Variants in PATJ observed in about 807,000 individuals in gnomAD.
PATJ encodes the protein inaD-like protein.
PATJ carries 190 observed loss-of-function variants against 224.9 expected under a neutral mutation model. The ratio of observed to expected loss-of-function variants is 0.84; its 90% CI spans 0.75 to 0.95. The LOEUF (loss-of-function observed/expected upper bound fraction) is 0.95. Ranked by LOEUF, PATJ falls within the 40% of genes least tolerant of loss-of-function variation. The pLI is 0.00. For missense variants in PATJ, 2,121 were observed against 2,270.3 expected, an observed-to-expected ratio of 0.93 and a Z score of 1.34; for synonymous variants, 769 against 820.3, an observed-to-expected ratio of 0.94 and a Z score of 1.07.
chr1:61,801,380 C>A (rs1275495301), intron 11 of PATJ, among the ~76,000 whole-genome samples: 4 of 152,026 alleles, frequency 2.6e-5, no homozygotes, highest in Admixed American at 1.3e-4. Context: ...GTTCCTTATT[C>A]TTTTCAATGC....
intron 14 of PATJ, among the ~76,000 whole-genome samples, chr1:61,814,892 G>A (rs1390698346): frequency 6.6e-6 from 1 of 152,122 alleles, no homozygotes; most frequent in African/African-American, 2.4e-5. Context: ...AGCTTAGAAT[G>A]CATTCATCCA....
chr1:61,800,690 C>G (rs1349044651), intron 11 of PATJ, among the ~76,000 whole-genome samples: 1 of 152,134 alleles, frequency 6.6e-6, no homozygotes, highest in Non-Finnish European at 1.5e-5. Context: ...ATTAACTCAT[C>G]ATTTATATTA....
chr1:61,817,918 A>C (rs1010328011), intron 14 of PATJ, among the ~76,000 whole-genome samples: 1 of 152,166 alleles, frequency 6.6e-6, no homozygotes, highest in Non-Finnish European at 1.5e-5. Context: ...TGAGAGTTAC[A>C]AGAACCAATC....
intron 22 of PATJ, among the ~76,000 whole-genome samples, chr1:61,896,324 C>T (rs1452475220): frequency 6.6e-6 from 1 of 151,982 alleles, no homozygotes; most frequent in Non-Finnish European, 1.5e-5. Context: ...ATGACTACCC[C>T]ACTAGGTTTT....
intron 31 of PATJ, among the ~76,000 whole-genome samples, chr1:62,069,918 T>C (rs1412992446): frequency 6.6e-6 from 1 of 152,216 alleles, no homozygotes; most frequent in African/African-American, 2.4e-5. Context: ...CCAAACACTA[T>C]TACTGCTAGT....
intron 33 of PATJ, among the ~76,000 whole-genome samples, chr1:62,108,198 A>G (rs1663341834): frequency 6.6e-6 from 1 of 152,256 alleles, no homozygotes; most frequent in Non-Finnish European, 1.5e-5. Context: ...AGTAAAACAC[A>G]TGGAAGAACT....
At chr1:61,952,818 AG>A (rs1402243176) in intron 27 of PATJ, among the ~76,000 whole-genome samples, 2 of 152,222 alleles carry the variant, frequency 1.3e-5, no homozygotes, top group Admixed American at 1.3e-4. Context: ...CATAATAAAA[AG>A]GGAAGACTAT....
chr1:61,937,148 C>T (rs1457497691), intron 27 of PATJ, among the ~76,000 whole-genome samples: 1 of 152,162 alleles, frequency 6.6e-6, no homozygotes, highest in African/African-American at 2.4e-5. Flanking sequence ...ATACACACAA[C>T]ATTTTATGTA....
chr1:62,143,803 T>C (rs1667742885), intron 41 of PATJ, among the ~76,000 whole-genome samples: 1 of 152,078 alleles, frequency 6.6e-6, no homozygotes, highest in Non-Finnish European at 1.5e-5. Flanking sequence ...GTACATGCTG[T>C]CACTTGAGCC....
intron 17 of PATJ, 146 bp downstream of exon 17, chr1:61,833,931 T>G: frequency 1.6e-6 from 1 of 628,944 alleles, no homozygotes; most frequent in Admixed American, 3.2e-5. Flanking sequence ...AATTGTTACC[T>G]TTAAAATTAG....
chr1:62,120,339 A>G (rs1384779845), intron 37 of PATJ, among the ~76,000 whole-genome samples: 1 of 152,234 alleles, frequency 6.6e-6, no homozygotes, highest in Admixed American at 6.5e-5. Context: ...ATATTAAACA[A>G]CTTTCATCAT....
intron 16 of PATJ, among the ~76,000 whole-genome samples, chr1:61,831,089 G>A (rs1423639755): frequency 1.3e-5 from 2 of 151,524 alleles, no homozygotes; most frequent in East Asian, 1.9e-4. Flanking sequence ...TGGGGGGGCT[G>A]AGGCAGGAGA....
chr1:61,753,603 G>A (rs1024811497), intron 1 of PATJ, among the ~76,000 whole-genome samples: 14 of 151,654 alleles, frequency 9.2e-5, no homozygotes, highest in Admixed American at 2.6e-4. Context: ...TCCGCCTCCC[G>A]GGTTCAAGCG....
rs192538063 is a variant in PATJ, at chr1:61,803,828, T to C, written c.1550-1620T>C. ...ACTGCTATGAGGTTAGCTCTCTTTT[T>C]GTCTTTGGAATAATTATTTCAGATC... On this transcript the variant is annotated intron_variant, in intron 12 of 43. Coordinates refer to ENST00000642238, the MANE Select transcript of PATJ (RefSeq NM_001350145.3). Among the ~76,000 whole-genome samples the C allele has an allele frequency of 1.4e-3, 218 of 152,320 alleles. 1 individual carries two copies. Among genetic ancestry groups the C allele is most frequent in the African/African-American group, 5.1e-3 (212 of 41,584 alleles).
chr1:62,034,737 A>G (rs1281789190), intron 29 of PATJ, among the ~76,000 whole-genome samples: 2 of 152,152 alleles, frequency 1.3e-5, no homozygotes, highest in Admixed American at 6.5e-5. Flanking sequence ...TTTCAGTGAG[A>G]GTAATTGTCG....
chr1:61,940,948 A>C (rs538786150), intron 27 of PATJ, among the ~76,000 whole-genome samples: 2 of 152,274 alleles, frequency 1.3e-5, no homozygotes, highest in South Asian at 4.1e-4. Context: ...AACTGAGATC[A>C]CTAGGAGAGA....
At chr1:62,101,170 G>T (rs1280988907) in intron 33 of PATJ, among the ~76,000 whole-genome samples, 1 of 151,710 alleles carries the variant, frequency 6.6e-6, no homozygotes, top group African/African-American at 2.4e-5. Context: ...ACTATTTTGA[G>T]TATGGTACCA....
intron 31 of PATJ, 70 bp downstream of exon 31, chr1:62,051,128 T>A: frequency 8.8e-7 from 1 of 1,136,582 alleles, no homozygotes; most frequent in Non-Finnish European, 1.3e-6. Context: ...TGTACCACCT[T>A]GGAAAGAACC....
chr1:62,091,011 C>A (rs10127514), intron 33 of PATJ, among the ~76,000 whole-genome samples: 7,375 of 152,248 alleles, frequency 0.048, 337 homozygotes, highest in African/African-American at 0.13. Context: ...TATTGGCAGA[C>A]TTGAACTGTT....
Sources: gnomAD v4.1 joint callset for allele counts (sites outside exome capture counted in the v4.1 genomes callset) on GRCh38, gnomAD v4.1.1 for gene constraint, MANE v1.5 for transcripts, NCBI Gene and HGNC (gene_info 2026-07-23, HGNC 2026-07-21) for gene names.